The following SLC9A7 variants were observed in gnomAD, a reference collection of about 807,000 sequenced individuals.
SLC9A7 encodes solute carrier family 9 member A7.
SLC9A7 carries 19 observed loss-of-function variants against 52.6 expected under a neutral mutation model. The ratio of observed to expected loss-of-function variants is 0.36; its 90% CI spans 0.25 to 0.53. The LOEUF is 0.53. Ranked by LOEUF, SLC9A7 falls within the 20% of genes least tolerant of loss-of-function variation. The pLI, the probability that SLC9A7 is intolerant of heterozygous loss-of-function variation, is 0.91. For missense variants in SLC9A7, 455 were observed against 597.9 expected, an observed-to-expected ratio of 0.76 and a Z score of 2.49; for synonymous variants, 226 against 252.1, an observed-to-expected ratio of 0.90 and a Z score of 0.98.
intron 8 of SLC9A7, 105 bp from the exon 9 acceptor site, chrX:46,651,509 C>A: frequency 1.6e-6 from 1 of 612,297 alleles, no homozygotes; most frequent in Non-Finnish European, 2.6e-6. Flanking sequence ...CTAGCATATC[C>A]AACTTCCTGA....
At chrX:46,731,784 T>C (rs1207391130) in intron 1 of SLC9A7, among the ~76,000 whole-genome samples, 1 of 108,873 alleles carries the variant, frequency 9.2e-6, no homozygotes, top group Non-Finnish European at 1.9e-5. Context: ...AAAAAACTCC[T>C]AGGACTCAAG....
rs766358358 is a variant in SLC9A7 at position 46,729,109 on chromosome X, T to A, written c.325+29596A>T. Among the ~76,000 whole-genome samples, 22 of 112,277 alleles carry A rather than the reference T, an allele frequency of 2.0e-4. 1 individual carries two copies. Among genetic ancestry groups the A allele is most frequent in the Admixed American group, 1.7e-3 (18 of 10,624 alleles). ...AACTGTATATTTAAAAGAAATGAAT[T>A]TTGTTGTATGTAAATTATACCTCAA... On this transcript the variant is annotated intron_variant, in intron 1 of 16. Transcript: ENST00000616978.
At chrX:46,685,762 A>T (rs1389385392) in intron 1 of SLC9A7, 2 of 111,904 alleles carry the variant, frequency 1.8e-5, no homozygotes, top group African/African-American at 6.5e-5. Flanking sequence ...GAAGTTTTAC[A>T]TGGCAAAGAC....
rs1211159690 is a variant in SLC9A7 at position 46,754,112 on chromosome X, G to A, written c.325+4593C>T. Among the ~76,000 whole-genome samples, 5 of 111,085 alleles carry A rather than the reference G, an allele frequency of 4.5e-5. No homozygotes were observed. The East Asian group carries it at 1.4e-3, about 31-fold the overall frequency. Reference sequence around the variant, plus strand: ...AATTTTCCTCACTTCCACTAACTGTGTCCTAATGCATTTTAAAATTACAAC... The same window carrying A: ...AATTTTCCTCACTTCCACTAACTGTATCCTAATGCATTTTAAAATTACAAC... On this transcript the variant is annotated intron_variant, in intron 1 of 16. Coordinates refer to ENST00000616978, the MANE Select transcript of SLC9A7 (RefSeq NM_001257291.2).
At chrX:46,634,466 C>T (rs1165267106) in intron 13 of SLC9A7, among the ~76,000 whole-genome samples, 1 of 110,005 alleles carries the variant, frequency 9.1e-6, no homozygotes, top group Admixed American at 9.6e-5. Flanking sequence ...AAAAAAAAAA[C>T]CCTGAATGGT....
chrX:46,633,192 A>G (rs1021909369), intron 13 of SLC9A7, among the ~76,000 whole-genome samples: 1 of 107,729 alleles, frequency 9.3e-6, no homozygotes, highest in Non-Finnish European at 1.9e-5. Flanking sequence ...CAGAGAGTCT[A>G]AAAGAACCTC....
rs369667382 is a variant in SLC9A7, at chrX:46,704,482, T to G, written c.326-21947A>C. Among the ~76,000 whole-genome samples the G allele has an allele frequency of 8.9e-5, 10 of 112,228 alleles. No homozygotes were observed. In the South Asian group the frequency reaches 1.1e-3, roughly 12 times the overall value. ...AACAGTATCTGGAAAGATTAGAGTT[T>G]TGTGTTTTTGCTGAAATTTCCTGAG... is the stretch of plus-strand genomic sequence containing the variant. On this transcript the variant is annotated intron_variant, in intron 1 of 16. Coordinates refer to ENST00000616978, the MANE Select transcript of SLC9A7 (RefSeq NM_001257291.2).
At chrX:46,625,008 G>A (rs1943102112) in intron 14 of SLC9A7, among the ~76,000 whole-genome samples, 1 of 111,635 alleles carries the variant, frequency 9.0e-6, no homozygotes, top group Admixed American at 9.5e-5. Context: ...AAGGTGGCGA[G>A]GGTTGGGGGG....
At chrX:46,659,600 T>C (rs1179238510) in intron 7 of SLC9A7, among the ~76,000 whole-genome samples, 1 of 43,167 alleles carries the variant, frequency 2.3e-5, no homozygotes, top group Non-Finnish European at 3.9e-5. Flanking sequence ...GAGAGCCAAA[T>C]CATGAGTGAA....
chrX:46,744,793 A>T (rs1921616609), intron 1 of SLC9A7, among the ~76,000 whole-genome samples: 1 of 111,947 alleles, frequency 8.9e-6, no homozygotes, highest in African/African-American at 3.2e-5. Context: ...GAGCATTAGC[A>T]AAATAGCAGA....
At chrX:46,614,374 A>G (rs1942909427) in intron 15 of SLC9A7, among the ~76,000 whole-genome samples, 1 of 111,957 alleles carries the variant, frequency 8.9e-6, no homozygotes. Context: ...AATTTATTAC[A>G]TACTGTACTG....
At chrX:46,645,748 A>G (rs2146763732) in intron 11 of SLC9A7, among the ~76,000 whole-genome samples, 1 of 110,645 alleles carries the variant, frequency 9.0e-6, no homozygotes, top group African/African-American at 3.3e-5. Flanking sequence ...GTGATTCAGA[A>G]AACAGGCAGT....
chrX:46,725,556 T>C (rs1944930312), intron 1 of SLC9A7: 2 of 970,053 alleles, frequency 2.1e-6, no homozygotes, highest in Admixed American at 2.2e-5. Flanking sequence ...TTGTTCTATG[T>C]TGAATGACTA....
chrX:46,702,607 C>T (rs758951057), intron 1 of SLC9A7, among the ~76,000 whole-genome samples: 6 of 111,805 alleles, frequency 5.4e-5, no homozygotes, highest in Non-Finnish European at 9.4e-5. Flanking sequence ...GTGCAAAGAA[C>T]GTAATCTTGT....
intron 7 of SLC9A7, among the ~76,000 whole-genome samples, chrX:46,654,380 C>CA (rs1334591005): frequency 1.4e-3 from 147 of 102,373 alleles, no homozygotes; most frequent in Middle Eastern, 4.9e-3. Flanking sequence ...GAGACTCCGT[C>CA]AAAAAAAAAA....
rs182212592 is a variant in SLC9A7 at position 46,681,547 on chromosome X, T to G, written c.525+789A>C. Among the ~76,000 whole-genome samples the G allele has an allele frequency of 1.6e-3, 176 of 112,191 alleles. 2 individuals are homozygous for G. In the South Asian group the frequency reaches 0.04, roughly 26 times the overall value. Reference sequence around the variant, plus strand: ...TTAATTTCTGGAGCACAGGCTACACTCTGCCTTTCACTGTCAGCCTTCACA... The same window carrying G: ...TTAATTTCTGGAGCACAGGCTACACGCTGCCTTTCACTGTCAGCCTTCACA... On this transcript the variant is annotated intron_variant, in intron 2 of 16. Transcript: ENST00000616978.
intron 7 of SLC9A7, among the ~76,000 whole-genome samples, chrX:46,654,261 G>A (rs999284567): frequency 1.8e-5 from 2 of 109,855 alleles, no homozygotes; most frequent in African/African-American, 3.3e-5. Flanking sequence ...GTGGTCACAC[G>A]CATCTGTAAT....
At chrX:46,730,710 A>ATATATATATATATATAT (rs1569524468) in intron 1 of SLC9A7, among the ~76,000 whole-genome samples, 50 of 76,417 alleles carry the variant, frequency 6.5e-4, no homozygotes, top group Non-Finnish European at 1.2e-3. Flanking sequence ...ATATATATAT[A>ATATATATATATATATAT]AAATGGATGA....
At chrX:46,725,384 G>C (rs2146966116) in intron 1 of SLC9A7, 1 of 1,195,640 alleles carries the variant, frequency 8.4e-7, no homozygotes, top group East Asian at 3.0e-5. Context: ...GTGCTTCTTG[G>C]ATTTCATTTG....
Sources: allele counts gnomAD v4.1 joint callset (sites outside exome capture counted in the v4.1 genomes callset), GRCh38; gene constraint gnomAD v4.1.1; transcripts MANE v1.5; gene names NCBI Gene and HGNC (gene_info 2026-07-23, HGNC 2026-07-21).